The following CEP112 variants were observed in gnomAD, a reference collection of about 807,000 sequenced individuals.
CEP112 encodes centrosomal protein of 112 kDa.
In CEP112, 127 loss-of-function variants were observed where a neutral mutation model predicts 153.0. The observed-to-expected ratio is 0.83, with a 90% CI of 0.72 to 0.96. The LOEUF (loss-of-function observed/expected upper bound fraction) is 0.96, where lower values mean the gene tolerates loss of function less well. CEP112 is among the 40% of genes least tolerant of loss of function. The pLI is 0.00. For synonymous variants in CEP112, 358 were observed against 374.4 expected (o/e 0.96, Z 0.51); for missense variants, 1,089 against 1,101.2 (o/e 0.99, Z 0.16).
At chr17:66,129,877 A>C in intron 5 of CEP112, 54 bp from the exon 6 acceptor site, 2 of 1,139,250 alleles carry the variant, frequency 1.8e-6, no homozygotes, top group Non-Finnish European at 2.6e-6. Context: ...TGGAAGAAAT[A>C]AAAGGAAAAG....
At position 65,848,722 on chromosome 17, in the gene CEP112, C is replaced by T. The variant is rs189711519; in HGVS notation, c.2394+3082G>A. The stretch of plus-strand genomic sequence containing the variant: ...AGGGAAAGTGTAGTGTCACTTCAAA[C>T]TCCACATGTTCTTAACTCAGTTCAG... On this transcript the variant is annotated intron_variant, in intron 21 of 26. Transcript: ENST00000535342. 1.2e-3 allele frequency among the ~76,000 whole-genome samples: 177 copies of T among 152,322 alleles called. 1 individual carries two copies. Among genetic ancestry groups the T allele is most frequent in the Non-Finnish European group, 2.0e-3 (133 of 68,040 alleles).
intron 20 of CEP112, among the ~76,000 whole-genome samples, chr17:65,901,837 G>A (rs1181494076): frequency 2.0e-5 from 3 of 151,716 alleles, no homozygotes; most frequent in African/African-American, 4.8e-5. Flanking sequence ...CTGAAGGGAG[G>A]GGTAAGGGGC....
At chr17:65,767,296 A>G (rs2053044056) in intron 21 of CEP112, among the ~76,000 whole-genome samples, 2 of 152,136 alleles carry the variant, frequency 1.3e-5, no homozygotes, top group African/African-American at 4.8e-5. Context: ...AATGGATCAA[A>G]GAAGAAATCA....
At chr17:66,167,227 G>T (rs777085539) in intron 4 of CEP112, among the ~76,000 whole-genome samples, 4 of 152,152 alleles carry the variant, frequency 2.6e-5, no homozygotes, top group Non-Finnish European at 5.9e-5. Context: ...GGGAGGATTA[G>T]TAATTAGGGA....
At chr17:65,746,165 C>CAAAAAAAA (rs56361589) in intron 22 of CEP112, among the ~76,000 whole-genome samples, 113 of 49,256 alleles carry the variant, frequency 2.3e-3, no homozygotes, top group African/African-American at 7.5e-3. Flanking sequence ...AACTCCATCT[C>CAAAAAAAA]AAAAAAAAAA....
intron 17 of CEP112, among the ~76,000 whole-genome samples, chr17:65,971,599 ATT>A (rs2062825127): frequency 1.9e-5 from 1 of 54,026 alleles, no homozygotes; most frequent in Non-Finnish European, 4.2e-5. Flanking sequence ...ATGCATGCAT[ATT>A]GTGTGCATAT....
intron 24 of CEP112, among the ~76,000 whole-genome samples, chr17:65,679,062 A>T (rs2047373412): frequency 7.0e-6 from 1 of 142,156 alleles, no homozygotes. Flanking sequence ...TAACTGATTT[A>T]TAAGAAATAT....
chr17:66,147,414 T>C (rs2146653178), intron 4 of CEP112, among the ~76,000 whole-genome samples: 1 of 152,296 alleles, frequency 6.6e-6, no homozygotes, highest in East Asian at 1.9e-4. Context: ...AAATATATGC[T>C]TTGCAAATAT....
At chr17:66,054,293 T>C (rs1188235313) in intron 11 of CEP112, among the ~76,000 whole-genome samples, 1 of 152,160 alleles carries the variant, frequency 6.6e-6, no homozygotes, top group Non-Finnish European at 1.5e-5. Context: ...CGGAATTTTG[T>C]ACACCAGTAA....
chr17:65,844,712 A>G (rs1050873636), intron 21 of CEP112, among the ~76,000 whole-genome samples: 1 of 151,002 alleles, frequency 6.6e-6, no homozygotes, highest in African/African-American at 2.4e-5. Context: ...AAAATAAAGA[A>G]ATAACACAAT....
At chr17:66,086,719 CAT>C (rs1334877690) in intron 8 of CEP112, among the ~76,000 whole-genome samples, 3 of 151,628 alleles carry the variant, frequency 2.0e-5, no homozygotes, top group East Asian at 3.9e-4. Context: ...TTAAGGAAAA[CAT>C]ATGTTTATAG....
chr17:66,016,680 T>C (rs762339156), intron 16 of CEP112, among the ~76,000 whole-genome samples: 4 of 152,188 alleles, frequency 2.6e-5, no homozygotes, highest in Non-Finnish European at 5.9e-5. Flanking sequence ...TCAATAAGTA[T>C]TTTGCAAATT....
intron 21 of CEP112, among the ~76,000 whole-genome samples, chr17:65,812,784 T>C (rs747738829): frequency 2.6e-5 from 4 of 152,202 alleles, no homozygotes; most frequent in Non-Finnish European, 5.9e-5. Context: ...CTTTCAAGCA[T>C]TGTTGTTTAA....
intron 19 of CEP112, among the ~76,000 whole-genome samples, chr17:65,910,793 G>A (rs1215571889): frequency 2.0e-5 from 3 of 152,134 alleles, no homozygotes; most frequent in African/African-American, 4.8e-5. Context: ...TCCCTAAAAT[G>A]AATGAAGAGA....
rs557967856 is a variant in CEP112 at position 66,147,397 on chromosome 17, C to G, written c.471-14634G>C. On this transcript the variant is annotated intron_variant, in intron 4 of 26. Coordinates refer to ENST00000535342, the MANE Select transcript of CEP112 (RefSeq NM_001199165.4). Reference sequence around the variant, plus strand: ...TCTTTACATATTCGGGATATTAACCCCTTTTCAAATATATGCTTTGCAAAT... The same window carrying G: ...TCTTTACATATTCGGGATATTAACCGCTTTTCAAATATATGCTTTGCAAAT... Among the ~76,000 whole-genome samples the G allele has an allele frequency of 6.6e-5, 10 of 152,066 alleles. No homozygotes were observed. In the South Asian group the frequency reaches 2.1e-3, roughly 32 times the overall value.
intron 21 of CEP112, among the ~76,000 whole-genome samples, chr17:65,847,272 T>C (rs564096595): frequency 2.6e-5 from 4 of 152,190 alleles, no homozygotes; most frequent in Non-Finnish European, 4.4e-5. Context: ...GTGTTCTCAC[T>C]TCAATCCAGG....
chr17:65,713,908 C>G (rs1178156246), intron 23 of CEP112, among the ~76,000 whole-genome samples: 2 of 151,202 alleles, frequency 1.3e-5, no homozygotes, highest in African/African-American at 4.9e-5. Context: ...TTTCCTTCTT[C>G]CATAAATTCA....
intron 18 of CEP112, among the ~76,000 whole-genome samples, chr17:65,935,375 A>T (rs2061270226): frequency 6.6e-6 from 1 of 152,224 alleles, no homozygotes; most frequent in Non-Finnish European, 1.5e-5. Flanking sequence ...CACATAGAAC[A>T]TCAATAAGGA....
chr17:66,030,247 T>C (rs2065406517), intron 12 of CEP112, among the ~76,000 whole-genome samples: 1 of 152,222 alleles, frequency 6.6e-6, no homozygotes, highest in Non-Finnish European at 1.5e-5. Context: ...ACTTTTAGCC[T>C]TTTGTTCATT....
Sources: allele counts gnomAD v4.1 joint callset (sites outside exome capture counted in the v4.1 genomes callset), GRCh38; gene constraint gnomAD v4.1.1; transcripts MANE v1.5; gene names NCBI Gene and HGNC (gene_info 2026-07-23, HGNC 2026-07-21).